Variants in HID1 observed in about 807,000 individuals in gnomAD.
HID1 encodes the protein HID1 domain containing, also known as protein HID1.
HID1 carries 42 observed loss-of-function variants against 89.7 expected under a neutral mutation model. The observed-to-expected ratio is 0.47, with a 90% CI of 0.37 to 0.61. The LOEUF is 0.61. Among genes scored for constraint, HID1 ranks in the 20% least tolerant of loss-of-function variants. The pLI is 0.00. For missense variants in HID1, 854 were observed against 1,039.3 expected (o/e 0.82, Z 2.45); for synonymous variants, 442 against 433.8 (o/e 1.02, Z -0.24).
Position 74,960,184 on chromosome 17 carries a change from C to G in HID1, c.793G>C (p.Gly265Arg), listed in dbSNP as rs954121473. The G allele has an allele frequency of 1.9e-6, 3 of 1,613,786 alleles. No homozygotes were observed. Among genetic ancestry groups the G allele is most frequent in the Non-Finnish European group, 1.7e-6 (2 of 1,180,018 alleles). ...AAGAGCAGGTGGTTGTAGGGGATCC[C>G]GTAGCCCACAGGGTCATAGGCACAC... ...TVCAYDPVGY[G>R]IPYNHLLFSD... The change falls in exon 7 of 19, where the codon GGG (glycine) becomes CGG (arginine). Residue 265 changes from glycine (G) to arginine (R), a missense_variant. Transcript: ENST00000425042.
At position 74,958,923 on chromosome 17, in the gene HID1, G is replaced by A. The variant is rs138539702; in HGVS notation, c.1137C>T (p.Cys379=). 90 of 1,593,084 alleles carry A rather than the reference G, an allele frequency of 5.6e-5. No individual in the cohort carries two copies. Among genetic ancestry groups the A allele is most frequent in the Middle Eastern group, 3.4e-4 (2 of 5,936 alleles). ...QELLVLFWKL[C]DFNKKFLFFV... is the part of the protein sequence containing the mutation. ...GAGGCTGGCCCACCTTGTTGAAGTC[G>A]CAGAGCTTCCAGAAGAGAACTAGCA... Residue 379 remains cysteine, a synonymous_variant, in exon 9 of 19, where the codon TGC becomes TGT. Transcript: ENST00000425042. The surrounding 1 kb of genome is among the most constrained non-coding windows in gnomAD (Gnocchi z 5.2).
In HID1 at chr17:74,958,083, C is replaced by G; in HGVS notation, c.1471+58G>C. ...AAACCTGGAGCAAGTGGCAGGTTGG[C>G]CTGTGGCCTGACACCACCTGGTGGT... On this transcript the variant is annotated intron_variant, in intron 12 of 18. Transcript: ENST00000425042. This position sits in a 1 kb window ranked among gnomAD's most constrained non-coding sequence, Gnocchi z 5.2. 2 of 1,501,088 alleles carry G rather than the reference C, an allele frequency of 1.3e-6. No individual in the cohort carries two copies. Among genetic ancestry groups the G allele is most frequent in the Non-Finnish European group, 1.8e-6 (2 of 1,106,234 alleles). The allele number at this position is 1,501,088 out of a possible 1,614,324, so 93.0% of individuals were successfully genotyped here. A position where few individuals can be genotyped will look rare whatever the true frequency, so the allele number is the denominator to read the frequency against.
intron 6 of HID1, among the ~76,000 whole-genome samples, chr17:74,960,965 C>T (rs1598626040): frequency 6.6e-6 from 1 of 151,176 alleles, no homozygotes; most frequent in Non-Finnish European, 1.5e-5. Flanking sequence ...CTCACGTGTC[C>T]CCCACAGTCC....
chr17:74,971,430 C>G (rs1194308420), intron 1 of HID1, among the ~76,000 whole-genome samples: 1 of 152,234 alleles, frequency 6.6e-6, no homozygotes, highest in African/African-American at 2.4e-5. Flanking sequence ...GTTGGACTCT[C>G]CAGAGGCCCT....
chr17:74,951,814 A>G lies in HID1; in HGVS notation c.2303+91T>C. On this transcript the variant is annotated intron_variant, in intron 18 of 18. Coordinates refer to ENST00000425042, the MANE Select transcript of HID1 (RefSeq NM_030630.3). ...AGTTGACTGTCTTGACATGAAGTCC[A>G]CCATAGGTGGTGGGGCCCAGAGCTG... The G allele has an allele frequency of 2.1e-6, 3 of 1,423,134 alleles. No homozygotes were observed. In the Admixed American group the frequency reaches 7.4e-5, roughly 35 times the overall value. 88.2% of individuals were successfully genotyped at this position (1,423,134 alleles called of 1,614,324 possible). A position where few individuals can be genotyped will look rare whatever the true frequency, so the allele number is the denominator to read the frequency against.
At position 74,958,045 on chromosome 17, in the gene HID1, C is replaced by T; in HGVS notation, c.1471+96G>A. On this transcript the variant is annotated intron_variant, in intron 12 of 18. Transcript: ENST00000425042. The surrounding 1 kb of genome is among the most constrained non-coding windows in gnomAD (Gnocchi z 5.2). ...CACAAGCTTGCGTTCTTTCTGTGGGCTGGAGGGGCTTGAAACCTGGAGCAA... is the reference window on the plus strand; with the variant it reads ...CACAAGCTTGCGTTCTTTCTGTGGGTTGGAGGGGCTTGAAACCTGGAGCAA... 9.0e-7 allele frequency: 1 copy of T among 1,106,818 alleles called. No homozygotes were observed. Among genetic ancestry groups the T allele is most frequent in the Non-Finnish European group, 1.3e-6 (1 of 756,834 alleles). 68.6% of individuals were successfully genotyped at this position (1,106,818 alleles called of 1,614,324 possible).
intron 1 of HID1, among the ~76,000 whole-genome samples, chr17:74,966,961 C>A (rs2039572357): frequency 6.6e-6 from 1 of 151,940 alleles, no homozygotes; most frequent in Admixed American, 6.6e-5. Flanking sequence ...GTAATAATGG[C>A]CAGGTGAGGT....
Position 74,958,869 on chromosome 17 carries a change from C to T in HID1, c.1149+42G>A. ...CCCTGCCCCCGGGTTATTGGGGCAG[C>T]TGCTCTCCATCTCCCTGCAGGGCCC... On this transcript the variant is annotated intron_variant, in intron 9 of 18. Transcript: ENST00000425042. The surrounding 1 kb of genome is among the most constrained non-coding windows in gnomAD (Gnocchi z 5.2). 1 of 1,582,248 alleles carries T rather than the reference C, an allele frequency of 6.3e-7. No individual in the cohort carries two copies. The highest frequency in any genetic ancestry group is 8.6e-7 in the Non-Finnish European group (1 of 1,164,270).
intron 15 of HID1, 26 bp downstream of exon 15, chr17:74,953,519 C>A (rs753735670): frequency 1.9e-6 from 3 of 1,596,112 alleles, no homozygotes; most frequent in Non-Finnish European, 2.6e-6. Context: ...CAGCCACGCC[C>A]GGCTCCAGGA....
chr17:74,962,445 A>G lies in HID1; in HGVS notation c.505-105T>C, dbSNP rs1193716015. On this transcript the variant is annotated intron_variant, in intron 4 of 18. Transcript: ENST00000425042. The surrounding 1 kb of genome is among the most constrained non-coding windows in gnomAD (Gnocchi z 4.3). ...GCCTCACACAGTCCCAGGGGCAGAG[A>G]CCGCCAGTTCTCCTAAAGACAGGTC... The G allele has an allele frequency of 3.0e-6, 2 of 661,198 alleles. No homozygotes were observed. Among genetic ancestry groups the G allele is most frequent in the Non-Finnish European group, 5.2e-6 (2 of 381,528 alleles). 41.0% of individuals were successfully genotyped at this position (661,198 alleles called of 1,614,324 possible). A position where few individuals can be genotyped will look rare whatever the true frequency, so the allele number is the denominator to read the frequency against.
chr17:74,956,053 C>A, intron 12 of HID1, 97 bp from the exon 13 acceptor site: 2 of 1,232,222 alleles, frequency 1.6e-6, no homozygotes, highest in Admixed American at 2.1e-5. Flanking sequence ...GCTCTCAATC[C>A]CTCCCTGCCC....
chr17:74,955,329 G>C (rs1229973133), intron 13 of HID1, among the ~76,000 whole-genome samples: 1 of 152,122 alleles, frequency 6.6e-6, no homozygotes, highest in African/African-American at 2.4e-5. Flanking sequence ...CAGATTGCTT[G>C]TCTCTATTAA....
At position 74,952,254 on chromosome 17, in the gene HID1, C is replaced by G. The variant is rs373717729; in HGVS notation, c.2144+15G>C. 16 of 1,609,842 alleles carry G rather than the reference C, an allele frequency of 9.9e-6. No individual in the cohort carries two copies. The highest frequency in any genetic ancestry group is 9.4e-5 in the African/African-American group (7 of 74,814). On this transcript the variant is annotated intron_variant, in intron 17 of 18. Transcript: ENST00000425042. Reference sequence around the variant, plus strand: ...CCCCGCCCACAACCCCCGGCCCTGCCGGCGCCCGACTCACTTGTCAATGCA... The same window carrying G: ...CCCCGCCCACAACCCCCGGCCCTGCGGGCGCCCGACTCACTTGTCAATGCA...
At position 74,962,139 on chromosome 17, in the gene HID1, G is replaced by T; in HGVS notation, c.611+95C>A. ...CAAGGTCGGGTCATAGGTGAGGACG[G>T]TCTTCTGGGAAGACCCCATGGGCTT... On this transcript the variant is annotated intron_variant, in intron 5 of 18. Transcript: ENST00000425042. This position sits in a 1 kb window ranked among gnomAD's most constrained non-coding sequence, Gnocchi z 4.3. 1 of 1,203,652 alleles carries T rather than the reference G, an allele frequency of 8.3e-7. No individual in the cohort carries two copies. The highest frequency in any genetic ancestry group is 1.2e-6 in the Non-Finnish European group (1 of 848,050). The allele number at this position is 1,203,652 out of a possible 1,614,324, so 74.6% of individuals were successfully genotyped here.
Position 74,958,123 on chromosome 17 carries a change from C to CA in HID1, c.1471+17dup. ...CACCTGGTGGTGAGCGCGGGGAGTG[C>CA]AAGCTCCGGGCCCCTACCGTTGACC... On this transcript the variant is annotated intron_variant, in intron 12 of 18. Coordinates refer to ENST00000425042, the MANE Select transcript of HID1 (RefSeq NM_030630.3). The surrounding 1 kb of genome is among the most constrained non-coding windows in gnomAD (Gnocchi z 5.2). The CA allele has an allele frequency of 6.3e-7, 1 of 1,588,774 alleles. No individual in the cohort carries two copies.
In HID1 at chr17:74,962,904, C is replaced by G; in HGVS notation, c.504+61G>C. 5 of 1,280,256 alleles carry G rather than the reference C, an allele frequency of 3.9e-6. No individual in the cohort carries two copies. In the South Asian group the frequency reaches 6.4e-5, roughly 16 times the overall value. The allele number at this position is 1,280,256 out of a possible 1,614,324, so 79.3% of individuals were successfully genotyped here. ...CCGCCCAAGGGAACTTCAACTGGCC[C>G]GGCCCCAACCCAGGACCAGAGCCTA... On this transcript the variant is annotated intron_variant, in intron 4 of 18. Coordinates refer to ENST00000425042, the MANE Select transcript of HID1 (RefSeq NM_030630.3). This position sits in a 1 kb window ranked among gnomAD's most constrained non-coding sequence, Gnocchi z 4.3.
chr17:74,971,374 T>G lies in HID1; in HGVS notation c.66+1217A>C, dbSNP rs532054480. Among the ~76,000 whole-genome samples the G allele has an allele frequency of 2.1e-4, 32 of 152,312 alleles. No homozygotes were observed. In the South Asian group the frequency reaches 5.4e-3, roughly 26 times the overall value. ...AGAACGACCCAGGAGCCGTAGGGAA[T>G]GGAGAGAAGTGCGGTCTGGTTTCTA... is the stretch of plus-strand genomic sequence containing the variant. On this transcript the variant is annotated intron_variant, in intron 1 of 18. Coordinates refer to ENST00000425042, the MANE Select transcript of HID1 (RefSeq NM_030630.3).
intron 6 of HID1, among the ~76,000 whole-genome samples, 192 bp from the exon 7 acceptor site, chr17:74,960,440 T>C (rs2039462347): frequency 6.6e-6 from 1 of 152,184 alleles, no homozygotes; most frequent in Admixed American, 6.5e-5. Context: ...CCTTAGGGTC[T>C]TAAGGGGCAG....
Position 74,958,989 on chromosome 17 carries a change from G to A in HID1, c.1071C>T (p.Tyr357=), listed in dbSNP as rs1390385413. The change falls in exon 9 of 19, where the codon TAC becomes TAT. Residue 357 remains tyrosine (Y), a synonymous_variant. Transcript: ENST00000425042. This position sits in a 1 kb window ranked among gnomAD's most constrained non-coding sequence, Gnocchi z 5.2. ...GGATCTTCTTGGTGGAGTTAGGCAG[G>A]TAGGTCTGGAGCAGGGGGTTGGACA... ...RLLSNPLLQT[Y]LPNSTKKIQF... 2 of 1,604,546 alleles carry A rather than the reference G, an allele frequency of 1.2e-6. No homozygotes were observed. The highest frequency in any genetic ancestry group is 8.5e-7 in the Non-Finnish European group (1 of 1,177,016).
Sources: gnomAD v4.1 joint callset for allele counts (sites outside exome capture counted in the v4.1 genomes callset) on GRCh38, gnomAD v4.1.1 for gene constraint, Gnocchi (gnomAD v3.1) non-coding constraint, MANE v1.5 for transcripts, NCBI Gene and HGNC (gene_info 2026-07-23, HGNC 2026-07-21) for gene names.